The following CFTR variants were observed in gnomAD, a reference collection of about 807,000 sequenced individuals.
CFTR encodes the protein cystic fibrosis transmembrane conductance regulator.
CFTR carries 181 observed loss-of-function variants against 171.6 expected under a neutral mutation model. The ratio of observed to expected loss-of-function variants is 1.05; its 90% CI spans 0.93 to 1.19. CFTR has a LOEUF of 1.19. Among genes scored for constraint, CFTR ranks in the 50% most tolerant of loss-of-function variants. CFTR has a pLI of 0.00. For synonymous variants in CFTR, 583 were observed against 608.0 expected, an observed-to-expected ratio of 0.96 and a Z score of 0.60; for missense variants, 1,968 against 1,734.7, an observed-to-expected ratio of 1.13 and a Z score of -2.39.
chr7:117,529,323 A>G (rs1798814856), intron 3 of CFTR, among the ~76,000 whole-genome samples: 1 of 113,550 alleles, frequency 8.8e-6, no homozygotes. Context: ...CAATGAGATC[A>G]CATGGACACA....
rs35715131 is a variant in CFTR, at chr7:117,626,787, T to A, written c.3469-735T>A. ...ATTATTCAGAGATGTATGTTTTTTT[T>A]AAAAAAAATTGAACACCTTTAAAAA... On this transcript the variant is annotated intron_variant, in intron 21 of 26. Coordinates refer to ENST00000003084, the MANE Select transcript of CFTR (RefSeq NM_000492.4). Among the ~76,000 whole-genome samples the A allele has an allele frequency of 6.3e-3, 951 of 151,970 alleles. 12 individuals carry two copies. Among genetic ancestry groups the A allele is most frequent in the African/African-American group, 0.02 (837 of 41,494 alleles).
At chr7:117,494,824 C>G (rs1046991542) in intron 1 of CFTR, among the ~76,000 whole-genome samples, 2 of 151,990 alleles carry the variant, frequency 1.3e-5, no homozygotes, top group African/African-American at 4.8e-5. Flanking sequence ...CTATTTTGTT[C>G]CTATATTAGG....
chr7:117,563,380 A>G (rs1791548027), intron 11 of CFTR, among the ~76,000 whole-genome samples: 1 of 152,196 alleles, frequency 6.6e-6, no homozygotes. Flanking sequence ...GTCATGATGG[A>G]CAGGAAGAGA....
intron 11 of CFTR, among the ~76,000 whole-genome samples, chr7:117,574,239 G>A (rs1791738280): frequency 6.6e-6 from 1 of 151,942 alleles, no homozygotes; most frequent in South Asian, 2.1e-4. Flanking sequence ...TAATAATGTG[G>A]TTACAAATGA....
intron 22 of CFTR, among the ~76,000 whole-genome samples, chr7:117,639,687 C>A (rs1792880911): frequency 6.6e-6 from 1 of 152,126 alleles, no homozygotes; most frequent in African/African-American, 2.4e-5. Flanking sequence ...GCACAAACAC[C>A]TAAATACTTG....
intron 1 of CFTR, among the ~76,000 whole-genome samples, chr7:117,489,488 A>T (rs1175425360): frequency 6.6e-6 from 1 of 152,106 alleles, no homozygotes; most frequent in Non-Finnish European, 1.5e-5. Context: ...TTATAAAACC[A>T]TGATAATATC....
At chr7:117,640,429 CT>C (rs1416724588) in intron 22 of CFTR, among the ~76,000 whole-genome samples, 8 of 152,198 alleles carry the variant, frequency 5.3e-5, no homozygotes, top group African/African-American at 1.9e-4. Context: ...ACTGAGTTCT[CT>C]AAAAATTTTA....
At chr7:117,495,052 C>T (rs535481849) in intron 1 of CFTR, among the ~76,000 whole-genome samples, 1 of 152,086 alleles carries the variant, frequency 6.6e-6, no homozygotes, top group Non-Finnish European at 1.5e-5. Flanking sequence ...AATCCATTTC[C>T]CCTTTTCCTT....
At chr7:117,576,069 A>G (rs936207956) in intron 11 of CFTR, among the ~76,000 whole-genome samples, 1 of 152,110 alleles carries the variant, frequency 6.6e-6, no homozygotes, top group African/African-American at 2.4e-5. Context: ...TAATTTTTGT[A>G]TATTGTGTAA....
intron 1 of CFTR, among the ~76,000 whole-genome samples, chr7:117,489,503 GTGGCTTATTA>G (rs1798123584): frequency 6.6e-6 from 1 of 152,034 alleles, no homozygotes. Context: ...AATATCATAT[GTGGCTTATTA>G]TTGTTCCCTG....
At chr7:117,535,100 A>G in intron 5 of CFTR, 148 bp from the exon 6 acceptor site, 4 of 843,282 alleles carry the variant, frequency 4.7e-6, no homozygotes, top group South Asian at 4.0e-5. Context: ...TGCTCCATGT[A>G]ATGATTACCT....
chr7:117,644,308 G>A (rs1037984854), intron 23 of CFTR, among the ~76,000 whole-genome samples: 1 of 151,970 alleles, frequency 6.6e-6, no homozygotes, highest in African/African-American at 2.4e-5. Context: ...GAGCAAAAGA[G>A]GGCAAACTTC....
In CFTR at chr7:117,548,501, T is replaced by C; in HGVS notation, c.1210-140T>C. 3 of 1,445,570 alleles carry C rather than the reference T, an allele frequency of 2.1e-6. No individual in the cohort carries two copies. The South Asian group carries it at 4.0e-5, about 19-fold the overall frequency. The allele number at this position is 1,445,570 out of a possible 1,614,324, so 89.5% of individuals were successfully genotyped here. Reference sequence around the variant, plus strand: ...TATATAATTATGTACTATAAAGTAATAATGTATACAGTGTAATGGATCATG... The same window carrying C: ...TATATAATTATGTACTATAAAGTAACAATGTATACAGTGTAATGGATCATG... On this transcript the variant is annotated intron_variant, in intron 9 of 26. Transcript: ENST00000003084.
chr7:117,661,274 G>A (rs35986679), intron 24 of CFTR, among the ~76,000 whole-genome samples: 10,639 of 152,168 alleles, frequency 0.07, 503 homozygotes, highest in Non-Finnish European at 0.11. Context: ...CAGTGAGATA[G>A]GAATATTGCA....
At chr7:117,645,044 C>T (rs906714493) in intron 23 of CFTR, among the ~76,000 whole-genome samples, 2 of 152,206 alleles carry the variant, frequency 1.3e-5, no homozygotes, top group South Asian at 4.2e-4. Flanking sequence ...AATGATTAGG[C>T]CTATTCTTGC....
rs1216958032 is a variant in CFTR at position 117,592,309 on chromosome 7, G to T, written c.2142G>T (p.Val714=). Residue 714 remains valine, a synonymous_variant, in exon 14 of 27, where the codon GTG becomes GTT. Coordinates refer to ENST00000003084, the MANE Select transcript of CFTR (RefSeq NM_000492.4). ...PINSIRKFSI[V]QKTPLQMNGI... is the part of the protein sequence containing the mutation. ...ACTCTATACGAAAATTTTCCATTGT[G>T]CAAAAGACTCCCTTACAAATGAATG... 3 of 1,614,098 alleles carry T rather than the reference G, an allele frequency of 1.9e-6. No individual in the cohort carries two copies. The highest frequency in any genetic ancestry group is 1.7e-5 in the Admixed American group (1 of 60,020).
chr7:117,483,223 C>G (rs1226108819), intron 1 of CFTR, among the ~76,000 whole-genome samples: 1 of 152,146 alleles, frequency 6.6e-6, no homozygotes, highest in Non-Finnish European at 1.5e-5. Context: ...CACTCCTATT[C>G]TAAACATTTG....
intron 1 of CFTR, among the ~76,000 whole-genome samples, chr7:117,497,430 A>G (rs914704155): frequency 6.6e-6 from 1 of 152,230 alleles, no homozygotes; most frequent in African/African-American, 2.4e-5. Flanking sequence ...AATGCTTTAT[A>G]GACAACATTG....
At chr7:117,659,380 G>A (rs113827944) in intron 24 of CFTR, among the ~76,000 whole-genome samples, 1,730 of 152,286 alleles carry the variant, frequency 0.011, 6 homozygotes, top group Non-Finnish European at 0.02. Flanking sequence ...CCTATTAATT[G>A]TTGTATTTCC....
Sources: gnomAD v4.1 joint callset for allele counts (sites outside exome capture counted in the v4.1 genomes callset) on GRCh38, gnomAD v4.1.1 for gene constraint, MANE v1.5 for transcripts, NCBI Gene and HGNC (gene_info 2026-07-23, HGNC 2026-07-21) for gene names.